Variants in DCC observed in about 807,000 individuals in gnomAD.
DCC encodes DCC netrin 1 receptor, also known as netrin receptor DCC.
A neutral mutation model predicts 172.5 loss-of-function variants in DCC; 58 were observed. That is an observed-to-expected ratio of 0.34 (90% confidence interval 0.27 to 0.42). DCC has a LOEUF of 0.42. DCC is among the 10% of genes least tolerant of loss of function. The pLI is 1.00. For synonymous variants in DCC, 709 were observed against 644.5 expected (o/e 1.10, Z -1.52); for missense variants, 1,740 against 1,791.0 (o/e 0.97, Z 0.51).
At chr18:53,019,370 A>G (rs1262002714) in intron 5 of DCC, among the ~76,000 whole-genome samples, 2 of 152,164 alleles carry the variant, frequency 1.3e-5, no homozygotes, top group Non-Finnish European at 2.9e-5. Flanking sequence ...AAGTTTTCAG[A>G]TAGGAAATGA....
chr18:53,167,217 A>G (rs1462339713), intron 8 of DCC, among the ~76,000 whole-genome samples: 1 of 152,204 alleles, frequency 6.6e-6, no homozygotes, highest in East Asian at 1.9e-4. Flanking sequence ...GCAAGATGAT[A>G]TGTATTTACT....
At chr18:52,751,212 A>G (rs1315086873) in intron 1 of DCC, among the ~76,000 whole-genome samples, 1 of 152,236 alleles carries the variant, frequency 6.6e-6, no homozygotes, top group Non-Finnish European at 1.5e-5. Context: ...GGTGGAGCCA[A>G]TGACCTCCTG....
rs1292726340 is a variant in DCC, at chr18:53,439,769, CTT to C, written c.3229+4572_3229+4573del. ...TATGTGGTGATGTAGTAGTATTTTTCTTTTTTTTTTTTTGAGACGGAGTCTCG... is the reference window on the plus strand; with the variant it reads ...TATGTGGTGATGTAGTAGTATTTTTCTTTTTTTTTTTGAGACGGAGTCTCG... On this transcript the variant is annotated intron_variant, in intron 22 of 28. Transcript: ENST00000442544. Among the ~76,000 whole-genome samples, 5 of 127,182 alleles carry C rather than the reference CTT, an allele frequency of 3.9e-5. 1 individual carries two copies. The highest frequency in any genetic ancestry group is 8.5e-5 in the Non-Finnish European group (5 of 58,578). 83.4% of individuals were successfully genotyped at this position (127,182 alleles called of 152,430 possible).
chr18:53,232,945 TTCC>T (rs1217088686), intron 12 of DCC, among the ~76,000 whole-genome samples: 52 of 132,478 alleles, frequency 3.9e-4, no homozygotes, highest in Non-Finnish European at 1.5e-4. Context: ...TTTTTTTTTT[TTCC>T]CCAGGTATTA....
intron 5 of DCC, among the ~76,000 whole-genome samples, chr18:53,038,866 C>T (rs2042129241): frequency 1.3e-5 from 2 of 151,488 alleles, no homozygotes; most frequent in African/African-American, 4.9e-5. Flanking sequence ...ATTGGTGAAG[C>T]CAGGACTATT....
chr18:53,339,704 GA>G lies in DCC; in HGVS notation c.2165-7del. 6.2e-7 allele frequency: 1 copy of G among 1,612,450 alleles called. No homozygotes were observed. Among genetic ancestry groups the G allele is most frequent in the Non-Finnish European group, 8.5e-7 (1 of 1,178,664 alleles). ...AGACATGCTGATGATGCCTCTTTTTGAATGCTAGAATCTCAAGTTCCTGATC... is the reference window on the plus strand; with the variant it reads ...AGACATGCTGATGATGCCTCTTTTTGATGCTAGAATCTCAAGTTCCTGATC... On this transcript the variant is annotated splice_polypyrimidine_tract_variant and splice_region_variant and intron_variant, in intron 14 of 28. Transcript: ENST00000442544.
chr18:52,374,022 G>C (rs1985239718), intron 1 of DCC, among the ~76,000 whole-genome samples: 1 of 151,226 alleles, frequency 6.6e-6, no homozygotes, highest in Non-Finnish European at 1.5e-5. Flanking sequence ...CTCTGGAGTA[G>C]CTGGGACTAC....
At chr18:52,370,831 A>G (rs138380863) in intron 1 of DCC, among the ~76,000 whole-genome samples, 19 of 152,370 alleles carry the variant, frequency 1.2e-4, no homozygotes, top group African/African-American at 3.6e-4. Context: ...ATTTTAAAAA[A>G]TATTTTTTGA....
chr18:53,313,300 C>T (rs2144805858), intron 13 of DCC, among the ~76,000 whole-genome samples: 1 of 152,144 alleles, frequency 6.6e-6, no homozygotes, highest in African/African-American at 2.4e-5. Flanking sequence ...GGGTTGAGTG[C>T]AGCGGCACGA....
At chr18:53,088,853 T>C (rs1365262938) in intron 7 of DCC, among the ~76,000 whole-genome samples, 1 of 152,226 alleles carries the variant, frequency 6.6e-6, no homozygotes, top group Non-Finnish European at 1.5e-5. Context: ...TTAATGATCA[T>C]ATAGTTCTCA....
intron 7 of DCC, among the ~76,000 whole-genome samples, chr18:53,092,155 T>G (rs2144185093): frequency 6.6e-6 from 1 of 152,270 alleles, no homozygotes; most frequent in East Asian, 1.9e-4. Context: ...TTGGAGAGTT[T>G]TAATGTTAAT....
chr18:52,511,697 T>G (rs1400366674), intron 1 of DCC, among the ~76,000 whole-genome samples: 1 of 152,238 alleles, frequency 6.6e-6, no homozygotes, highest in East Asian at 1.9e-4. Flanking sequence ...ATTCTCGCGT[T>G]AAAGTTCACC....
chr18:53,485,691 C>A (rs948748488), intron 25 of DCC, among the ~76,000 whole-genome samples: 3 of 152,008 alleles, frequency 2.0e-5, no homozygotes, highest in Non-Finnish European at 4.4e-5. Context: ...TTACTAGAAG[C>A]AGCCCTTTTA....
chr18:53,042,552 A>G (rs1019772891), intron 5 of DCC, among the ~76,000 whole-genome samples: 7 of 151,688 alleles, frequency 4.6e-5, no homozygotes, highest in East Asian at 1.9e-4. Flanking sequence ...CTCTTTTTCT[A>G]TTGTTTGGAA....
intron 3 of DCC, among the ~76,000 whole-genome samples, chr18:52,915,634 T>C (rs1228987863): frequency 6.6e-6 from 1 of 152,158 alleles, no homozygotes; most frequent in African/African-American, 2.4e-5. Flanking sequence ...ATATGATCCA[T>C]GATGCTATTT....
At position 52,523,353 on chromosome 18, in the gene DCC, C is replaced by T. The variant is rs140778564; in HGVS notation, c.91+182475C>T. Among the ~76,000 whole-genome samples, 706 of 142,890 alleles carry T rather than the reference C, an allele frequency of 4.9e-3. 7 individuals are homozygous for T. The highest frequency in any genetic ancestry group is 0.015 in the African/African-American group (587 of 37,934). 93.7% of individuals were successfully genotyped at this position (142,890 alleles called of 152,430 possible). ...TTGATCAAATGCAAGTAGTTCTGTA[C>T]CATGTTGTCAAACTTAGAGTAGATG... On this transcript the variant is annotated intron_variant, in intron 1 of 28. Transcript: ENST00000442544.
chr18:52,614,535 C>A (rs540289240), intron 1 of DCC, among the ~76,000 whole-genome samples: 11 of 152,118 alleles, frequency 7.2e-5, no homozygotes, highest in Admixed American at 7.2e-4. Flanking sequence ...GCTACACCAA[C>A]GATTTGTCTA....
At chr18:52,705,753 G>A (rs2036198482) in intron 1 of DCC, among the ~76,000 whole-genome samples, 1 of 152,066 alleles carries the variant, frequency 6.6e-6, no homozygotes, top group African/African-American at 2.4e-5. Context: ...ACAAATATAG[G>A]TAAAGCGTCA....
At chr18:52,500,980 A>G (rs193133042) in intron 1 of DCC, among the ~76,000 whole-genome samples, 1 of 152,270 alleles carries the variant, frequency 6.6e-6, no homozygotes, top group Admixed American at 6.5e-5. Context: ...CTTTGTTATT[A>G]TTTTGAATAT....
Sources: allele counts gnomAD v4.1 joint callset (sites outside exome capture counted in the v4.1 genomes callset), GRCh38; gene constraint gnomAD v4.1.1; transcripts MANE v1.5; gene names NCBI Gene and HGNC (gene_info 2026-07-23, HGNC 2026-07-21).